Variants in NTRK3 observed in about 807,000 individuals in gnomAD.
NTRK3 encodes neurotrophic receptor tyrosine kinase 3, also known as NT-3 growth factor receptor.
Under a neutral mutation model 91.7 loss-of-function variants are expected in NTRK3, and 24 were observed. The observed-to-expected ratio is 0.26, with a 90% CI of 0.19 to 0.37. The LOEUF (loss-of-function observed/expected upper bound fraction) is 0.37. Ranked by LOEUF, NTRK3 falls within the 10% of genes least tolerant of loss-of-function variation. The pLI, the probability that NTRK3 is intolerant of heterozygous loss-of-function variation, is 1.00. For synonymous variants in NTRK3, 483 were observed against 404.0 expected, an observed-to-expected ratio of 1.20 and a Z score of -2.34; for missense variants, 880 against 1,068.9, an observed-to-expected ratio of 0.82 and a Z score of 2.46.
chr15:88,250,949 C>T (rs1166671379), intron 3 of NTRK3, among the ~76,000 whole-genome samples: 1 of 152,256 alleles, frequency 6.6e-6, no homozygotes, highest in Admixed American at 6.5e-5. Context: ...CAGTGGAGAG[C>T]TGTGCTCCAG....
chr15:88,219,685 AC>A (rs1048497306), intron 3 of NTRK3, among the ~76,000 whole-genome samples: 2 of 152,248 alleles, frequency 1.3e-5, no homozygotes, highest in Non-Finnish European at 2.9e-5. Context: ...GAAGTGGGTG[AC>A]TTGTCCAGGC....
chr15:87,859,983 C>T (rs1031159337), exon 19 of NTRK3: 1 of 194,910 alleles, frequency 5.1e-6, no homozygotes, highest in Admixed American at 6.1e-5. Context: ...CATATACATA[C>T]CTATGTCCAT....
chr15:87,910,426 G>A (rs6496455), intron 17 of NTRK3, among the ~76,000 whole-genome samples: 32,786 of 152,116 alleles, frequency 0.22, 3,576 homozygotes, highest in South Asian at 0.28. Context: ...GAGTTTTCAC[G>A]GATGCTAACG....
chr15:88,180,146 A>C, intron 5 of NTRK3, among the ~76,000 whole-genome samples: 1 of 152,174 alleles, frequency 6.6e-6, no homozygotes, highest in East Asian at 1.9e-4. Flanking sequence ...CTTATCGTTT[A>C]ATCTTGACCA....
chr15:88,210,384 A>G (rs1256090650), intron 3 of NTRK3, among the ~76,000 whole-genome samples: 1 of 152,200 alleles, frequency 6.6e-6, no homozygotes, highest in Non-Finnish European at 1.5e-5. Context: ...GAAATTCTTA[A>G]AATGAAACCC....
chr15:87,876,630 T>A (rs1156412892), exon 19 of NTRK3: 1 of 215,684 alleles, frequency 4.6e-6, no homozygotes, highest in Non-Finnish European at 9.3e-6. Context: ...TGTTAAAGTC[T>A]TGTGGTTTTC....
chr15:87,884,238 C>G (rs538323664), intron 17 of NTRK3, among the ~76,000 whole-genome samples: 3 of 151,074 alleles, frequency 2.0e-5, no homozygotes, highest in South Asian at 4.2e-4. Flanking sequence ...ACTATTACAT[C>G]CATAAATTTG....
chr15:88,070,378 G>A (rs1197932259), intron 13 of NTRK3, among the ~76,000 whole-genome samples: 7 of 152,060 alleles, frequency 4.6e-5, no homozygotes, highest in South Asian at 2.1e-4. Flanking sequence ...AAGCAGGGGC[G>A]GGCTACCCAC....
At chr15:88,016,590 G>A (rs2077247311) in intron 14 of NTRK3, among the ~76,000 whole-genome samples, 1 of 152,174 alleles carries the variant, frequency 6.6e-6, no homozygotes. Flanking sequence ...CCCTCCCAGG[G>A]GCCTCTCATT....
intron 3 of NTRK3, among the ~76,000 whole-genome samples, chr15:88,206,249 G>A (rs1277159302): frequency 6.6e-6 from 1 of 151,130 alleles, no homozygotes; most frequent in Non-Finnish European, 1.5e-5. Context: ...AGAGGCTGAG[G>A]CAGGAGAATA....
At chr15:88,010,973 C>A (rs865886126) in intron 14 of NTRK3, among the ~76,000 whole-genome samples, 6 of 152,126 alleles carry the variant, frequency 3.9e-5, no homozygotes, top group Admixed American at 3.9e-4. Flanking sequence ...AGGGTTTTGC[C>A]GTCACACCAC....
Position 88,255,890 on chromosome 15 carries a change from C to T in NTRK3, c.248+16G>A, listed in dbSNP as rs369784882. 9.4e-6 allele frequency: 15 copies of T among 1,594,446 alleles called. No individual in the cohort carries two copies. The East Asian group carries it at 3.2e-4, about 34-fold the overall frequency. Reference sequence around the variant, plus strand: ...AGCGCGGGGGAGGCAGGCTGGGGAGCGGCCGCCTGACTTACATGGAAGTGA... The same window carrying T: ...AGCGCGGGGGAGGCAGGCTGGGGAGTGGCCGCCTGACTTACATGGAAGTGA... On this transcript the variant is annotated intron_variant, in intron 3 of 18. Transcript: ENST00000394480. The surrounding 1 kb of genome is among the most constrained non-coding windows in gnomAD (Gnocchi z 4.3).
chr15:88,145,213 T>C (rs1420675014), intron 6 of NTRK3, among the ~76,000 whole-genome samples: 1 of 152,128 alleles, frequency 6.6e-6, no homozygotes, highest in Admixed American at 6.6e-5. Context: ...CTGGGATTGT[T>C]TGGATTTTAA....
chr15:88,137,365 C>T (rs985239163), intron 7 of NTRK3, 39 bp downstream of exon 7: 1 of 1,610,246 alleles, frequency 6.2e-7, no homozygotes, highest in Non-Finnish European at 8.5e-7. Context: ...TGAGGGATGC[C>T]TCCCTGGAGC....
At chr15:87,970,501 C>A (rs889114332) in intron 14 of NTRK3, among the ~76,000 whole-genome samples, 2 of 152,170 alleles carry the variant, frequency 1.3e-5, no homozygotes, top group Non-Finnish European at 2.9e-5. Context: ...AGCTTCTGAT[C>A]ACACTATAAC....
intron 3 of NTRK3, among the ~76,000 whole-genome samples, chr15:88,225,255 G>T (rs193015380): frequency 2.3e-4 from 35 of 152,264 alleles, no homozygotes; most frequent in African/African-American, 7.9e-4. Flanking sequence ...TGCAGGTCGG[G>T]GTTTTGCTTG....
chr15:87,907,533 A>G (rs1429536200), intron 17 of NTRK3, among the ~76,000 whole-genome samples: 1 of 152,116 alleles, frequency 6.6e-6, no homozygotes, highest in Non-Finnish European at 1.5e-5. Context: ...TCAGGATAAT[A>G]CTGTATATTA....
At chr15:88,183,581 G>T in intron 4 of NTRK3, 92 bp from the exon 5 acceptor site, 1 of 1,180,142 alleles carries the variant, frequency 8.5e-7, no homozygotes, top group Non-Finnish European at 1.3e-6. Context: ...GGCTAAGGCT[G>T]GCCCTGCAGC....
intron 13 of NTRK3, among the ~76,000 whole-genome samples, chr15:88,074,122 A>C (rs543884417): frequency 1.3e-5 from 2 of 152,322 alleles, no homozygotes; most frequent in Admixed American, 1.3e-4. Context: ...CTTAATGTAC[A>C]CCATTGGGTT....
Sources: gnomAD v4.1 joint callset for allele counts (sites outside exome capture counted in the v4.1 genomes callset) on GRCh38, gnomAD v4.1.1 for gene constraint, Gnocchi (gnomAD v3.1) non-coding constraint, MANE v1.5 for transcripts, NCBI Gene and HGNC (gene_info 2026-07-23, HGNC 2026-07-21) for gene names.